WIPI2: variants seen among roughly 807,000 people sequenced by gnomAD.
WIPI2 encodes the protein WD repeat domain, phosphoinositide interacting 2.
A neutral mutation model predicts 52.3 loss-of-function variants in WIPI2; 28 were observed. The ratio of observed to expected loss-of-function variants is 0.54; its 90% CI spans 0.40 to 0.73. The LOEUF (loss-of-function observed/expected upper bound fraction) is 0.73. WIPI2 is among the 30% of genes least tolerant of loss of function. WIPI2 has a pLI of 0.00. For missense variants in WIPI2, 506 were observed against 602.9 expected (o/e 0.84, Z 1.68); for synonymous variants, 268 against 245.0 (o/e 1.09, Z -0.88).
intron 3 of WIPI2, chr7:5,214,204 C>T: frequency 8.2e-7 from 1 of 1,217,276 alleles, no homozygotes; most frequent in Non-Finnish European, 1.1e-6. Context: ...TAAGGGAGCC[C>T]CTAGACCTTA....
At chr7:5,204,182 C>T (rs1583553013) in intron 3 of WIPI2, among the ~76,000 whole-genome samples, 1 of 152,112 alleles carries the variant, frequency 6.6e-6, no homozygotes, top group African/African-American at 2.4e-5. Flanking sequence ...GAAAGTTCAT[C>T]TGGGCCGGGC....
chr7:5,215,692 G>A (rs1301024362), intron 4 of WIPI2, among the ~76,000 whole-genome samples: 1 of 152,252 alleles, frequency 6.6e-6, no homozygotes, highest in Non-Finnish European at 1.5e-5. Flanking sequence ...CTAGGAAGTG[G>A]TCTGTTAACT....
At chr7:5,220,678 G>A (rs1356280035) in intron 7 of WIPI2, among the ~76,000 whole-genome samples, 1 of 151,996 alleles carries the variant, frequency 6.6e-6, no homozygotes, top group Non-Finnish European at 1.5e-5. Context: ...GTCTTGTTAT[G>A]TTGCCCAGGC....
Position 5,229,755 on chromosome 7 carries a change from A to C in WIPI2, c.1252+17A>C. On this transcript the variant is annotated intron_variant, in intron 12 of 12. Transcript: ENST00000288828. ...CGAGACTTGGTAAGGGGCGTGACGC[A>C]AACCTGGAAGGTAATTAGCCCCACA... 1 of 1,613,182 alleles carries C rather than the reference A, an allele frequency of 6.2e-7. No individual in the cohort carries two copies. The highest frequency in any genetic ancestry group is 8.5e-7 in the Non-Finnish European group (1 of 1,179,550).
chr7:5,200,905 G>A (rs545621484), intron 3 of WIPI2, among the ~76,000 whole-genome samples: 3 of 152,192 alleles, frequency 2.0e-5, no homozygotes, highest in South Asian at 2.1e-4. Context: ...CATGATCAGC[G>A]TCCCTGACTC....
At chr7:5,209,627 G>T (rs571313184) in intron 3 of WIPI2, among the ~76,000 whole-genome samples, 1 of 152,148 alleles carries the variant, frequency 6.6e-6, no homozygotes, top group African/African-American at 2.4e-5. Flanking sequence ...GTCTCATACT[G>T]TTCTCACTTT....
intron 2 of WIPI2, among the ~76,000 whole-genome samples, chr7:5,196,355 A>G (rs1286430554): frequency 1.3e-5 from 2 of 152,214 alleles, no homozygotes; most frequent in Non-Finnish European, 2.9e-5. Flanking sequence ...TCTAAAAAAA[A>G]AGAAAAACCA....
chr7:5,221,546 T>C (rs988478744), intron 7 of WIPI2, among the ~76,000 whole-genome samples: 1 of 152,250 alleles, frequency 6.6e-6, no homozygotes, highest in African/African-American at 2.4e-5. Flanking sequence ...AATACCGTTA[T>C]ATCACTTGAT....
intron 8 of WIPI2, among the ~76,000 whole-genome samples, chr7:5,223,032 T>C (rs1202992260): frequency 1.3e-5 from 2 of 152,184 alleles, no homozygotes; most frequent in Non-Finnish European, 2.9e-5. Flanking sequence ...GAGAACCTGT[T>C]CCAGCTCTCC....
In WIPI2 at chr7:5,217,948, C is replaced by T; in HGVS notation, c.603C>T (p.His201=). Residue 201 remains histidine (H), a synonymous_variant, in exon 7 of 13, where the codon CAC becomes CAT. Transcript: ENST00000288828. ...NLRAANMIPA[H]DSPLAALAFD... ...GAGCTGCAAACATGATTCCGGCTCA[C>T]GACAGTCCTTTAGCGGCACTGGCCT... The T allele has an allele frequency of 1.2e-6, 2 of 1,614,234 alleles. No homozygotes were observed. The highest frequency in any genetic ancestry group is 2.2e-5 in the East Asian group (1 of 44,888).
Position 5,229,531 on chromosome 7 carries a change from G to T in WIPI2, c.1122-77G>T, listed in dbSNP as rs781608703. The T allele has an allele frequency of 4.8e-5, 73 of 1,522,468 alleles. 1 individual carries two copies. In the South Asian group the frequency reaches 8.2e-4, roughly 17 times the overall value. 94.3% of individuals were successfully genotyped at this position (1,522,468 alleles called of 1,614,324 possible). A position where few individuals can be genotyped will look rare whatever the true frequency, so the allele number is the denominator to read the frequency against. Reference sequence around the variant, plus strand: ...TGAGTGGTGTGCTGGCTCTGTTGCCGCAGGGCAGCCAGTGTGTACTGCCCG... The same window carrying T: ...TGAGTGGTGTGCTGGCTCTGTTGCCTCAGGGCAGCCAGTGTGTACTGCCCG... On this transcript the variant is annotated intron_variant, in intron 11 of 12. Transcript: ENST00000288828.
At chr7:5,203,080 GTAGCTGTTGACATATAACATCTTT>G (rs769705690) in intron 3 of WIPI2, among the ~76,000 whole-genome samples, 6 of 152,222 alleles carry the variant, frequency 3.9e-5, no homozygotes, top group Non-Finnish European at 8.8e-5. Context: ...TTATGGAAGT[GTAGCTGTTGACATATAACATCTTT>G]TATCAACCTT....
intron 3 of WIPI2, 191 bp from the exon 4 acceptor site, chr7:5,214,344 C>G (rs994069110): frequency 6.3e-7 from 1 of 1,582,740 alleles, no homozygotes; most frequent in Non-Finnish European, 8.6e-7. Flanking sequence ...GGAAATGCTC[C>G]TGAGGCTCCA....
At chr7:5,223,695 G>C (rs535590322) in intron 8 of WIPI2, among the ~76,000 whole-genome samples, 3 of 152,146 alleles carry the variant, frequency 2.0e-5, no homozygotes, top group African/African-American at 7.2e-5. Flanking sequence ...TGAGGTGCCC[G>C]TATTCCTCCT....
At chr7:5,204,154 A>T (rs891367126) in intron 3 of WIPI2, among the ~76,000 whole-genome samples, 1 of 152,152 alleles carries the variant, frequency 6.6e-6, no homozygotes, top group East Asian at 1.9e-4. Flanking sequence ...TGCGGGTTCC[A>T]TGTATATTTA....
At chr7:5,207,609 G>A (rs1782357437) in intron 3 of WIPI2, among the ~76,000 whole-genome samples, 1 of 151,942 alleles carries the variant, frequency 6.6e-6, no homozygotes, top group Non-Finnish European at 1.5e-5. Flanking sequence ...TCTTTTAATG[G>A]ACAGATATTT....
chr7:5,229,779 C>T (rs765219597), intron 12 of WIPI2, 41 bp downstream of exon 12: 1 of 1,610,902 alleles, frequency 6.2e-7, no homozygotes, highest in South Asian at 1.1e-5. Flanking sequence ...ATTAGCCCCA[C>T]AGCCCCGAGT....
chr7:5,228,025 G>C, intron 10 of WIPI2, 79 bp from the exon 11 acceptor site: 4 of 1,410,360 alleles, frequency 2.8e-6, no homozygotes, highest in African/African-American at 1.4e-5. Context: ...TTCCTCGCCT[G>C]CCAAAAGTGA....
rs1022376250 is a variant in WIPI2 at position 5,232,014 on chromosome 7, G to A, written c.*1067G>A. On this transcript the variant is annotated 3_prime_UTR_variant, in exon 13 of 13. Coordinates refer to ENST00000288828, the MANE Select transcript of WIPI2 (RefSeq NM_015610.4). The stretch of plus-strand genomic sequence containing the variant: ...TGAGAGATTGTGGTTGCAAGCTTCA[G>A]TATTTGCCTCGCTTCCCTTCCCTTT... 6 of 344,930 alleles carry A rather than the reference G, an allele frequency of 1.7e-5. No individual in the cohort carries two copies. The African/African-American group carries it at 2.1e-4, about 12-fold the overall frequency. The allele number at this position is 344,930 out of a possible 1,614,324, so 21.4% of individuals were successfully genotyped here.
Sources: allele counts gnomAD v4.1 joint callset (sites outside exome capture counted in the v4.1 genomes callset), GRCh38; gene constraint gnomAD v4.1.1; transcripts MANE v1.5; gene names NCBI Gene and HGNC (gene_info 2026-07-23, HGNC 2026-07-21).